The following GALNT11 variants were observed in gnomAD, a reference collection of about 807,000 sequenced individuals.
GALNT11 encodes the protein UDP-GalNAc:polypeptide N-acetylgalactosaminyltransferase 11.
Under a neutral mutation model 72.7 loss-of-function variants are expected in GALNT11, and 47 were observed. The observed-to-expected ratio is 0.65, with a 90% CI of 0.51 to 0.82. The LOEUF (loss-of-function observed/expected upper bound fraction) is 0.82, where lower values mean the gene tolerates loss of function less well. Ranked by LOEUF, GALNT11 falls within the 40% of genes least tolerant of loss-of-function variation. GALNT11 has a pLI of 0.00. For synonymous variants in GALNT11, 270 were observed against 286.6 expected (o/e 0.94, Z 0.58); for missense variants, 677 against 778.4 (o/e 0.87, Z 1.55).
intron 1 of GALNT11, among the ~76,000 whole-genome samples, chr7:152,031,881 C>G (rs2082318767): frequency 1.3e-5 from 2 of 152,122 alleles, no homozygotes; most frequent in African/African-American, 4.8e-5. Flanking sequence ...CTTGCTCTAT[C>G]TGGGGATCCA....
intron 2 of GALNT11, among the ~76,000 whole-genome samples, chr7:152,100,112 C>T (rs572579058): frequency 7.9e-5 from 12 of 151,794 alleles, no homozygotes; most frequent in South Asian, 2.1e-4. Flanking sequence ...GCTTATCAGT[C>T]GCCTTTTTCT....
chr7:152,042,426 T>A (rs184118616), intron 1 of GALNT11, among the ~76,000 whole-genome samples: 26 of 152,350 alleles, frequency 1.7e-4, no homozygotes, highest in African/African-American at 5.8e-4. Context: ...TATGTGTCCC[T>A]TTTTTAATTG....
intron 1 of GALNT11, chr7:152,079,482 G>A (rs1487571378): frequency 6.6e-6 from 1 of 152,178 alleles, no homozygotes; most frequent in Non-Finnish European, 1.5e-5. Context: ...TCTCCCATCA[G>A]CATTACCTTG....
chr7:152,060,374 C>G (rs1283544887), intron 1 of GALNT11, among the ~76,000 whole-genome samples: 2 of 152,158 alleles, frequency 1.3e-5, no homozygotes, highest in African/African-American at 4.8e-5. Flanking sequence ...CAAGAATTTT[C>G]CTTTGCGTTC....
chr7:152,054,918 T>TAC (rs1237191587), intron 1 of GALNT11, among the ~76,000 whole-genome samples: 1 of 152,154 alleles, frequency 6.6e-6, no homozygotes, highest in Non-Finnish European at 1.5e-5. Flanking sequence ...GATGTGTGTA[T>TAC]ACACACACAC....
intron 1 of GALNT11, among the ~76,000 whole-genome samples, chr7:152,029,685 A>G (rs1311301672): frequency 6.6e-6 from 1 of 152,240 alleles, no homozygotes; most frequent in African/African-American, 2.4e-5. Flanking sequence ...ACCAATTATT[A>G]GGCAGTTTTC....
chr7:152,106,811 C>A (rs1383888117), intron 5 of GALNT11, among the ~76,000 whole-genome samples: 1 of 152,118 alleles, frequency 6.6e-6, no homozygotes, highest in Non-Finnish European at 1.5e-5. Flanking sequence ...TCACTGTGAC[C>A]AGATGTGGTC....
intron 5 of GALNT11, among the ~76,000 whole-genome samples, chr7:152,105,887 C>T (rs6966827): frequency 0.071 from 10,767 of 152,224 alleles, 688 homozygotes; most frequent in East Asian, 0.2. Flanking sequence ...CTTAATCCTT[C>T]TGATTCCATC....
At chr7:152,061,185 A>G (rs551601991) in intron 1 of GALNT11, among the ~76,000 whole-genome samples, 2 of 152,164 alleles carry the variant, frequency 1.3e-5, no homozygotes, top group East Asian at 1.9e-4. Context: ...GTGAGATGGT[A>G]TCTCATTGTG....
intron 8 of GALNT11, among the ~76,000 whole-genome samples, chr7:152,115,524 G>C (rs1309025370): frequency 6.6e-6 from 1 of 152,236 alleles, no homozygotes; most frequent in Admixed American, 6.5e-5. Context: ...AAAAACACTT[G>C]TGCAGTTGTT....
intron 7 of GALNT11, 86 bp downstream of exon 7, chr7:152,110,731 CTTGA>C (rs1435914457): frequency 8.4e-6 from 9 of 1,075,514 alleles, no homozygotes; most frequent in African/African-American, 4.8e-5. Context: ...TTATATTCTC[CTTGA>C]TTATTTTTTT....
intron 1 of GALNT11, among the ~76,000 whole-genome samples, chr7:152,051,400 C>A (rs1244285946): frequency 6.6e-6 from 1 of 151,668 alleles, no homozygotes; most frequent in African/African-American, 2.4e-5. Flanking sequence ...AGAAAAATAT[C>A]AAGGCCCCCA....
chr7:152,100,676 T>G (rs1017953164), intron 2 of GALNT11, 122 bp from the exon 3 acceptor site: 18 of 1,259,972 alleles, frequency 1.4e-5, no homozygotes, highest in Non-Finnish European at 1.8e-5. Context: ...AACCTAAGTT[T>G]GAGAAAAGAG....
Position 152,121,567 on chromosome 7 carries a change from G to T in GALNT11, c.1717G>T (p.Val573Leu). 6.2e-7 allele frequency: 1 copy of T among 1,612,030 alleles called. No individual in the cohort carries two copies. Among genetic ancestry groups the T allele is most frequent in the Non-Finnish European group, 8.5e-7 (1 of 1,179,406 alleles). Residue 573 changes from valine to leucine, a missense_variant, in exon 12 of 12, where the codon GTG (valine) becomes TTG (leucine). Transcript: ENST00000430044. ...TCAGAAAAACAATCGGCTATACCAG[G>T]TGTCGGTTGGACAGTGCCTGAGAGC... ...TFGKNNRLYQ[V>L]SVGQCLRAVD... is the part of the protein sequence containing the mutation.
intron 1 of GALNT11, among the ~76,000 whole-genome samples, chr7:152,062,194 C>T (rs1297432770): frequency 1.3e-5 from 2 of 152,154 alleles, no homozygotes; most frequent in African/African-American, 2.4e-5. Flanking sequence ...CTTCACATCC[C>T]TTGTAAGTTG....
intron 1 of GALNT11, among the ~76,000 whole-genome samples, chr7:152,028,679 C>T (rs2082157829): frequency 6.6e-6 from 1 of 151,060 alleles, no homozygotes; most frequent in African/African-American, 2.4e-5. Flanking sequence ...ACCTCTCAAT[C>T]CCCCCCCTCT....
chr7:152,098,832 A>T (rs1272401222), intron 2 of GALNT11, among the ~76,000 whole-genome samples: 1 of 152,206 alleles, frequency 6.6e-6, no homozygotes, highest in Non-Finnish European at 1.5e-5. Flanking sequence ...TTTTGTGTTT[A>T]AAAAGGATGA....
chr7:152,091,245 T>C (rs879899064), intron 1 of GALNT11, among the ~76,000 whole-genome samples: 1 of 150,780 alleles, frequency 6.6e-6, no homozygotes, highest in Non-Finnish European at 1.5e-5. Context: ...ATTATTATTA[T>C]TATTTTTGTG....
chr7:152,121,401 A>G, intron 11 of GALNT11, 145 bp from the exon 12 acceptor site: 1 of 865,034 alleles, frequency 1.2e-6, no homozygotes, highest in Non-Finnish European at 1.8e-6. Flanking sequence ...TGTGCTGCAG[A>G]TAACAAACAG....
Sources: gnomAD v4.1 joint callset for allele counts (sites outside exome capture counted in the v4.1 genomes callset) on GRCh38, gnomAD v4.1.1 for gene constraint, MANE v1.5 for transcripts, NCBI Gene and HGNC (gene_info 2026-07-23, HGNC 2026-07-21) for gene names.